CIMIP2B: variants seen among roughly 807,000 people sequenced by gnomAD.
The protein encoded by CIMIP2B is family with sequence similarity 166 member B.
the CIMIP2B span, chr9:35,562,818 C>T: frequency 1.2e-6 from 2 of 1,611,460 alleles, no homozygotes; most frequent in Non-Finnish European, 1.7e-6. Flanking sequence ...TGCCCGGACA[C>T]ACAGTAAGAC....
At chr9:35,563,330 G>A in the CIMIP2B span, 2 of 1,613,810 alleles carry the variant, frequency 1.2e-6, no homozygotes, top group African/African-American at 1.3e-5. Context: ...TAGCTGACCA[G>A]TCACCTGCCC....
the CIMIP2B span, chr9:35,562,772 C>G: frequency 2.5e-6 from 4 of 1,610,256 alleles, no homozygotes; most frequent in Non-Finnish European, 3.4e-6. Context: ...TGCACATCCC[C>G]TGAACCCACA....
the CIMIP2B span, chr9:35,563,415 C>T: frequency 1.3e-6 from 2 of 1,553,250 alleles, no homozygotes; most frequent in Non-Finnish European, 1.8e-6. Flanking sequence ...TCCCACTCAC[C>T]AGAATCGCCC....
the CIMIP2B span, chr9:35,563,158 G>C: frequency 6.2e-7 from 1 of 1,613,762 alleles, no homozygotes; most frequent in East Asian, 2.2e-5. Flanking sequence ...GCATACCTGC[G>C]TACAAACCTG....
the CIMIP2B span, chr9:35,563,223 G>C: frequency 1.9e-6 from 3 of 1,613,892 alleles, no homozygotes; most frequent in African/African-American, 2.7e-5. Flanking sequence ...CTGACAGGTA[G>C]ACTCTCCCTG....
chr9:35,563,705 A>T, the CIMIP2B span: 1 of 1,513,064 alleles, frequency 6.6e-7, no homozygotes, highest in Non-Finnish European at 9.2e-7. Flanking sequence ...AAGCAGCTTA[A>T]TTCCTCCACC....
At chr9:35,562,616 C>T in the CIMIP2B span, 1 of 1,611,772 alleles carries the variant, frequency 6.2e-7, no homozygotes, top group South Asian at 1.1e-5. Context: ...TGGGGCCTCC[C>T]CACGCCTCTG....
chr9:35,562,699 G>A, the CIMIP2B span: 2 of 1,613,692 alleles, frequency 1.2e-6, no homozygotes, highest in Non-Finnish European at 1.7e-6. Flanking sequence ...GTAGGGAGAA[G>A]CCTGTGAGAG....
chr9:35,562,026 T>G, the CIMIP2B span: 1 of 1,508,132 alleles, frequency 6.6e-7, no homozygotes, highest in Non-Finnish European at 8.8e-7. Flanking sequence ...GAGCTGCTTC[T>G]GGAAGGTGCT....
chr9:35,562,531 G>A, the CIMIP2B span: 2 of 1,578,248 alleles, frequency 1.3e-6, no homozygotes, highest in East Asian at 4.6e-5. Flanking sequence ...CAGGAAAGCT[G>A]GAGCCGAAGA....
chr9:35,563,721 C>T, the CIMIP2B span: 4 of 1,567,058 alleles, frequency 2.6e-6, no homozygotes, highest in Middle Eastern at 3.4e-4. Flanking sequence ...CCACCCTATA[C>T]CCCTACTCCC....
chr9:35,563,836 C>T, the CIMIP2B span: 12 of 1,613,730 alleles, frequency 7.4e-6, no homozygotes, highest in East Asian at 2.2e-5. Context: ...CATGGGGAGC[C>T]GGGCATTTCC....
chr9:35,563,364 G>A, the CIMIP2B span: 79,250 of 1,612,812 alleles, frequency 0.049, 2,154 homozygotes, highest in Non-Finnish European at 0.055. Flanking sequence ...ACGCTGAACC[G>A]AAGTAGTGGG....
the CIMIP2B span, chr9:35,562,773 T>A: frequency 6.2e-7 from 1 of 1,609,742 alleles, no homozygotes; most frequent in South Asian, 1.1e-5. Context: ...GCACATCCCC[T>A]GAACCCACAG....
At chr9:35,562,131 T>C in the CIMIP2B span, 2 of 1,445,086 alleles carry the variant, frequency 1.4e-6, no homozygotes, top group East Asian at 2.5e-5. Flanking sequence ...ATGTAGCAAG[T>C]GGCATGGCAA....
the CIMIP2B span, chr9:35,563,446 C>T: frequency 1.5e-6 from 2 of 1,368,062 alleles, no homozygotes; most frequent in South Asian, 2.5e-5. Flanking sequence ...TCCCCAGAGG[C>T]AGAAGCGGAG....
At chr9:35,562,923 T>C in the CIMIP2B span, 6 of 1,614,036 alleles carry the variant, frequency 3.7e-6, no homozygotes, top group Non-Finnish European at 5.1e-6. Flanking sequence ...CCTCCGGCTC[T>C]GGCACCTGGT....
chr9:35,563,315 C>CGAA, the CIMIP2B span: 1 of 1,613,922 alleles, frequency 6.2e-7, no homozygotes, highest in Non-Finnish European at 8.5e-7. Flanking sequence ...AGGAGGGCCT[C>CGAA]GAAGTAGCTG....
At chr9:35,563,049 G>A in the CIMIP2B span, 2 of 1,613,958 alleles carry the variant, frequency 1.2e-6, no homozygotes, top group African/African-American at 1.3e-5. Flanking sequence ...TGCAGTTCTT[G>A]GCAAAGATGA....
Sources: gnomAD v4.1 joint callset for allele counts on GRCh38, gnomAD v4.1.1 for gene constraint, MANE v1.5 for transcripts, NCBI Gene and HGNC (gene_info 2026-07-23, HGNC 2026-07-21) for gene names.